SRRM1: variants seen among roughly 807,000 people sequenced by gnomAD.
SRRM1 encodes the protein serine and arginine repetitive matrix 1, also known as serine/arginine repetitive matrix protein 1.
A neutral mutation model predicts 110.2 loss-of-function variants in SRRM1; 19 were observed. The ratio of observed to expected loss-of-function variants is 0.17; its 90% CI spans 0.12 to 0.25. SRRM1 has a LOEUF of 0.25. Ranked by LOEUF, SRRM1 falls within the 10% of genes least tolerant of loss-of-function variation. The pLI, the probability that SRRM1 is intolerant of heterozygous loss-of-function variation, is 1.00. For synonymous variants in SRRM1, 443 were observed against 414.9 expected (o/e 1.07, Z -0.82); for missense variants, 918 against 1,145.8 (o/e 0.80, Z 2.87).
rs1660612815 is a variant in SRRM1, at chr1:24,651,427, T to C, written c.540T>C (p.Pro180=). Residue 180 remains proline, a synonymous_variant, in exon 6 of 17, where the codon CCT becomes CCC. Transcript: ENST00000323848. ...ATCCTAGACGCAAATCCAGATCTCC[T>C]TCCCCTAGAAGACGATCTTCCCCTG... The part of the protein sequence containing the change: ...RSPRRRKSRS[P]SPRRRSSPVR... The C allele has an allele frequency of 6.2e-7, 1 of 1,614,012 alleles. No individual in the cohort carries two copies. Among genetic ancestry groups the C allele is most frequent in the African/African-American group, 1.3e-5 (1 of 75,052 alleles).
chr1:24,651,661 A>G lies in SRRM1; in HGVS notation c.725+49A>G, dbSNP rs748895006. On this transcript the variant is annotated intron_variant, in intron 6 of 16. Coordinates refer to ENST00000323848, the MANE Select transcript of SRRM1 (RefSeq NM_005839.4). Reference sequence around the variant, plus strand: ...TAAATAATCACAATTTTAGATTAATAGTGACTGCAAATATGACATCTGAGT... The same window carrying G: ...TAAATAATCACAATTTTAGATTAATGGTGACTGCAAATATGACATCTGAGT... The G allele has an allele frequency of 3.7e-6, 5 of 1,349,844 alleles. No individual in the cohort carries two copies. In the Admixed American group the frequency reaches 7.9e-5, roughly 21 times the overall value. 83.6% of individuals were successfully genotyped at this position (1,349,844 alleles called of 1,614,324 possible). A position where few individuals can be genotyped will look rare whatever the true frequency, so the allele number is the denominator to read the frequency against.
At chr1:24,655,834 A>G (rs988124714) in intron 9 of SRRM1, among the ~76,000 whole-genome samples, 1 of 152,188 alleles carries the variant, frequency 6.6e-6, no homozygotes, top group African/African-American at 2.4e-5. Flanking sequence ...TATACAGCCT[A>G]AAAGGTGAGT....
At position 24,673,082 on chromosome 1, in the gene SRRM1, G is replaced by A. The variant is rs921680132; in HGVS notation, c.*796G>A. On this transcript the variant is annotated 3_prime_UTR_variant, in exon 17 of 17. Transcript: ENST00000323848. ...ATGGCTCTGTTCATATTTTTGTCTT[G>A]TTCTTCCAATTGGTATATACAACTT... is the stretch of plus-strand genomic sequence containing the variant. The A allele has an allele frequency of 2.6e-5, 4 of 151,388 alleles. No homozygotes were observed. The highest frequency in any genetic ancestry group is 9.7e-5 in the African/African-American group (4 of 41,112). The allele number at this position is 151,388 out of a possible 1,614,324, so 9.4% of individuals were successfully genotyped here.
intron 1 of SRRM1, among the ~76,000 whole-genome samples, chr1:24,644,007 G>A (rs1372236931): frequency 6.6e-6 from 1 of 152,084 alleles, no homozygotes; most frequent in African/African-American, 2.4e-5. Flanking sequence ...AGGGTAGAGG[G>A]TGCAACGAAA....
intron 15 of SRRM1, among the ~76,000 whole-genome samples, chr1:24,670,768 T>C (rs541984083): frequency 2.6e-5 from 4 of 152,352 alleles, no homozygotes; most frequent in Non-Finnish European, 5.9e-5. Context: ...ATGTCCATAT[T>C]TAATTGGGTT....
At chr1:24,662,853 G>A (rs757375842) in intron 12 of SRRM1, 49 bp downstream of exon 12, 1 of 1,585,228 alleles carries the variant, frequency 6.3e-7, no homozygotes, top group Non-Finnish European at 8.6e-7. Context: ...TAATTGTGAT[G>A]AAATTTGATA....
chr1:24,643,474 G>A (rs1348598042), intron 1 of SRRM1, 127 bp downstream of exon 1: 4 of 637,718 alleles, frequency 6.3e-6, no homozygotes, highest in Non-Finnish European at 9.2e-6. Flanking sequence ...TCCTCCTAGA[G>A]CCGGCGCACC....
rs1196133357 is a variant in SRRM1 at position 24,670,410 on chromosome 1, G to GTT, written c.2400+97_2400+98dup. The GTT allele has an allele frequency of 3.1e-6, 4 of 1,309,676 alleles. No homozygotes were observed. In the African/African-American group the frequency reaches 4.6e-5, roughly 15 times the overall value. The allele number at this position is 1,309,676 out of a possible 1,614,324, so 81.1% of individuals were successfully genotyped here. A position where few individuals can be genotyped will look rare whatever the true frequency, so the allele number is the denominator to read the frequency against. ...GTCATTGGGGCATTAAAATATTGGTGTTTAAACTTTTTTTCCCATTTGTGA... is the reference window on the plus strand; with the variant it reads ...GTCATTGGGGCATTAAAATATTGGTGTTTTTAAACTTTTTTTCCCATTTGTGA... On this transcript the variant is annotated intron_variant, in intron 15 of 16. Coordinates refer to ENST00000323848, the MANE Select transcript of SRRM1 (RefSeq NM_005839.4).
Position 24,651,436 on chromosome 1 carries a change from A to G in SRRM1, c.549A>G (p.Arg183=). The G allele has an allele frequency of 6.2e-7, 1 of 1,614,106 alleles. No individual in the cohort carries two copies. The highest frequency in any genetic ancestry group is 8.5e-7 in the Non-Finnish European group (1 of 1,180,008). ...RRRKSRSPSP[R]RRSSPVRRER... is the part of the protein sequence containing the mutation. The stretch of plus-strand genomic sequence containing the variant: ...GCAAATCCAGATCTCCTTCCCCTAG[A>G]AGACGATCTTCCCCTGTCAGGAGAG... Residue 183 remains arginine (R), a synonymous_variant, in exon 6 of 17, where the codon AGA becomes AGG. Transcript: ENST00000323848.
At chr1:24,651,346 C>T (rs1660549760) in intron 5 of SRRM1, 63 bp from the exon 6 acceptor site, 4 of 1,359,640 alleles carry the variant, frequency 2.9e-6, no homozygotes, top group Non-Finnish European at 4.1e-6. Flanking sequence ...TCACTTCTCC[C>T]TTTGACTCCT....
At chr1:24,670,417 CT>C (rs995031758) in intron 15 of SRRM1, 102 bp downstream of exon 15, 7 of 1,234,646 alleles carry the variant, frequency 5.7e-6, no homozygotes, top group African/African-American at 4.7e-5. Flanking sequence ...GGTGTTTAAA[CT>C]TTTTTTCCCA....
In SRRM1 at chr1:24,645,689, G is replaced by A. The variant is rs557534050; in HGVS notation, c.22-295G>A. Among the ~76,000 whole-genome samples, 11 of 152,316 alleles carry A rather than the reference G, an allele frequency of 7.2e-5. No individual in the cohort carries two copies. In the South Asian group the frequency reaches 2.1e-3, roughly 29 times the overall value. On this transcript the variant is annotated intron_variant, in intron 1 of 16. Transcript: ENST00000323848. ...TACGTATCTATTAGCATAGGAAAAGGTGTGAAAGGATACAAATCAAATCTA... is the reference window on the plus strand; with the variant it reads ...TACGTATCTATTAGCATAGGAAAAGATGTGAAAGGATACAAATCAAATCTA...
intron 3 of SRRM1, chr1:24,647,407 A>G (rs1196876965): frequency 2.0e-5 from 3 of 152,498 alleles, no homozygotes; most frequent in Non-Finnish European, 4.4e-5. Context: ...CATGTCAGCT[A>G]GTCATCAGTT....
chr1:24,664,042 C>T (rs1445189318), intron 12 of SRRM1, among the ~76,000 whole-genome samples: 6 of 128,878 alleles, frequency 4.7e-5, no homozygotes, highest in Non-Finnish European at 7.7e-5. Flanking sequence ...ATCACCCAGG[C>T]TGGGGTGCAT....
intron 8 of SRRM1, among the ~76,000 whole-genome samples, chr1:24,653,777 C>T (rs1020454159): frequency 6.6e-6 from 1 of 152,164 alleles, no homozygotes. Flanking sequence ...TCTTGCAATA[C>T]GTTTCACCTG....
At chr1:24,658,790 A>G (rs1665635764) in intron 9 of SRRM1, among the ~76,000 whole-genome samples, 1 of 152,252 alleles carries the variant, frequency 6.6e-6, no homozygotes, top group African/African-American at 2.4e-5. Context: ...AAATATAAGT[A>G]TTAAGTATAG....
At chr1:24,646,929 C>G (rs1658008618) in intron 3 of SRRM1, 140 bp downstream of exon 3, 1 of 672,876 alleles carries the variant, frequency 1.5e-6, no homozygotes, top group Non-Finnish European at 2.3e-6. Context: ...ACTTTGTAAA[C>G]AACTATTAAG....
chr1:24,643,956 G>A lies in SRRM1; in HGVS notation c.21+609G>A, dbSNP rs370043261. On this transcript the variant is annotated intron_variant, in intron 1 of 16. Transcript: ENST00000323848. ...TTGATATCCCTTCAGGGAGGGGGACGTAGATAACTTGTTGGGACAATGTGA... is the reference window on the plus strand; with the variant it reads ...TTGATATCCCTTCAGGGAGGGGGACATAGATAACTTGTTGGGACAATGTGA... Among the ~76,000 whole-genome samples the A allele has an allele frequency of 4.1e-4, 62 of 152,306 alleles. 1 individual carries two copies. The East Asian group carries it at 5.2e-3, about 13-fold the overall frequency.
chr1:24,649,676 TTC>T (rs955198656), intron 4 of SRRM1, among the ~76,000 whole-genome samples: 5 of 152,236 alleles, frequency 3.3e-5, no homozygotes, highest in Non-Finnish European at 7.3e-5. Flanking sequence ...GAAAGTGATT[TTC>T]TTTTTTATTT....
Sources: allele counts gnomAD v4.1 joint callset (sites outside exome capture counted in the v4.1 genomes callset), GRCh38; gene constraint gnomAD v4.1.1; transcripts MANE v1.5; gene names NCBI Gene and HGNC (gene_info 2026-07-23, HGNC 2026-07-21).